The following SLC12A8 variants were observed in gnomAD, a reference collection of about 807,000 sequenced individuals.
SLC12A8 encodes the protein cation-chloride cotransporter 9.
Under a neutral mutation model 75.6 loss-of-function variants are expected in SLC12A8, and 69 were observed. That is an observed-to-expected ratio of 0.91 (90% CI 0.75 to 1.11). The LOEUF (loss-of-function observed/expected upper bound fraction) is 1.11. Among genes scored for constraint, SLC12A8 ranks in the 50% most tolerant of loss-of-function variants. The pLI is 0.00. For synonymous variants in SLC12A8, 365 were observed against 372.8 expected, an observed-to-expected ratio of 0.98 and a Z score of 0.24; for missense variants, 877 against 896.7, an observed-to-expected ratio of 0.98 and a Z score of 0.28.
chr3:125,108,906 T>C (rs571098676), intron 9 of SLC12A8, among the ~76,000 whole-genome samples: 67 of 152,212 alleles, frequency 4.4e-4, no homozygotes, highest in African/African-American at 1.5e-3. Context: ...ACACACACAT[T>C]ACACACACCT....
chr3:125,147,466 C>T (rs926997464), intron 5 of SLC12A8, among the ~76,000 whole-genome samples: 2 of 152,212 alleles, frequency 1.3e-5, no homozygotes, highest in African/African-American at 4.8e-5. Flanking sequence ...CCGTTGTGTG[C>T]CTTTTCTGCA....
At chr3:125,086,055 C>T (rs535138406) in intron 13 of SLC12A8, among the ~76,000 whole-genome samples, 1 of 152,098 alleles carries the variant, frequency 6.6e-6, no homozygotes, top group South Asian at 2.1e-4. Context: ...TAGGCACCTG[C>T]CACATGCCTG....
intron 5 of SLC12A8, among the ~76,000 whole-genome samples, chr3:125,145,147 C>T (rs916220689): frequency 2.7e-4 from 41 of 152,322 alleles, no homozygotes; most frequent in African/African-American, 3.4e-4. Flanking sequence ...GAGATGCCCA[C>T]GTCACAAAGT....
Position 125,096,443 on chromosome 3 carries a change from A to G in SLC12A8, c.1706-4245T>C, listed in dbSNP as rs116195232. ...CAAAAACCTTCTATGTCTATTCAGC[A>G]TGTTCCCCCAGCACTTGGGACAGTG... On this transcript the variant is annotated intron_variant, in intron 10 of 13. Coordinates refer to ENST00000469902, the MANE Select transcript of SLC12A8 (RefSeq NM_024628.6). Among the ~76,000 whole-genome samples, 1,036 of 152,178 alleles carry G rather than the reference A, an allele frequency of 6.8e-3. 6 individuals are homozygous for G. The highest frequency in any genetic ancestry group is 0.023 in the African/African-American group (959 of 41,540).
At chr3:125,193,235 T>C (rs1477144496) in intron 2 of SLC12A8, among the ~76,000 whole-genome samples, 1 of 152,026 alleles carries the variant, frequency 6.6e-6, no homozygotes, top group Admixed American at 6.6e-5. Context: ...CCGGGTGTGG[T>C]TGTGTGTGCC....
chr3:125,098,530 T>C, intron 10 of SLC12A8, among the ~76,000 whole-genome samples: 1 of 149,700 alleles, frequency 6.7e-6, no homozygotes, highest in East Asian at 2.0e-4. Flanking sequence ...GCCATGGCAG[T>C]ATGAAGAGGT....
intron 8 of SLC12A8, among the ~76,000 whole-genome samples, chr3:125,117,360 G>A (rs1354167198): frequency 6.6e-6 from 1 of 151,160 alleles, no homozygotes; most frequent in Non-Finnish European, 1.5e-5. Context: ...GCTGAGGTGG[G>A]AGGATCACTC....
At chr3:125,149,124 G>T (rs190847875) in intron 5 of SLC12A8, among the ~76,000 whole-genome samples, 1 of 152,182 alleles carries the variant, frequency 6.6e-6, no homozygotes, top group East Asian at 1.9e-4. Context: ...ATCCATACCC[G>T]GAACGCCCAG....
intron 12 of SLC12A8, among the ~76,000 whole-genome samples, chr3:125,088,987 T>C (rs931661885): frequency 6.6e-6 from 1 of 152,204 alleles, no homozygotes; most frequent in Non-Finnish European, 1.5e-5. Flanking sequence ...CCATTCCTCC[T>C]TTGGTGTAGG....
intron 2 of SLC12A8, among the ~76,000 whole-genome samples, chr3:125,195,288 CTGAG>C (rs1934986519): frequency 6.6e-6 from 1 of 152,224 alleles, no homozygotes; most frequent in African/African-American, 2.4e-5. Context: ...CCCAGGCATT[CTGAG>C]TAAGAGAGAG....
intron 5 of SLC12A8, among the ~76,000 whole-genome samples, chr3:125,147,160 C>G (rs559007678): frequency 6.6e-6 from 1 of 152,332 alleles, no homozygotes; most frequent in Admixed American, 6.5e-5. Flanking sequence ...CGCTGTTGTC[C>G]TAGTCCTAGG....
chr3:125,186,554 C>G (rs1257475612), intron 4 of SLC12A8, among the ~76,000 whole-genome samples: 1 of 152,162 alleles, frequency 6.6e-6, no homozygotes, highest in Non-Finnish European at 1.5e-5. Flanking sequence ...TTTTTCAATC[C>G]AAGAAATGCT....
At chr3:125,102,980 G>A (rs928583460) in intron 10 of SLC12A8, among the ~76,000 whole-genome samples, 1 of 152,076 alleles carries the variant, frequency 6.6e-6, no homozygotes, top group African/African-American at 2.4e-5. Context: ...GGTATAGGGG[G>A]CTGTGGGAGG....
chr3:125,188,073 G>T (rs1232187651), intron 3 of SLC12A8, among the ~76,000 whole-genome samples: 1 of 152,220 alleles, frequency 6.6e-6, no homozygotes, highest in Non-Finnish European at 1.5e-5. Flanking sequence ...CCCAATGTTG[G>T]AGGTGGGGCC....
chr3:125,197,042 T>G (rs1411480032), intron 2 of SLC12A8, among the ~76,000 whole-genome samples: 1 of 152,178 alleles, frequency 6.6e-6, no homozygotes, highest in Non-Finnish European at 1.5e-5. Flanking sequence ...CAGGGCTCCT[T>G]GCAGAAGTTG....
At chr3:125,143,103 G>A (rs532976390) in intron 5 of SLC12A8, among the ~76,000 whole-genome samples, 19 of 152,368 alleles carry the variant, frequency 1.2e-4, no homozygotes, top group Admixed American at 2.0e-4. Context: ...GGAAACTGAA[G>A]TGCAGAGCTG....
chr3:125,139,779 G>T (rs1291033695), intron 5 of SLC12A8, among the ~76,000 whole-genome samples: 1 of 152,194 alleles, frequency 6.6e-6, no homozygotes, highest in Non-Finnish European at 1.5e-5. Context: ...CATGCCCTCC[G>T]ACAGTGGCTC....
intron 5 of SLC12A8, among the ~76,000 whole-genome samples, chr3:125,146,439 A>G (rs1046871072): frequency 6.6e-6 from 1 of 152,238 alleles, no homozygotes; most frequent in African/African-American, 2.4e-5. Context: ...TGTGCTATGG[A>G]TATTTTACCA....
chr3:125,162,278 C>CG (rs542072911), intron 5 of SLC12A8, among the ~76,000 whole-genome samples: 105 of 152,342 alleles, frequency 6.9e-4, no homozygotes, highest in African/African-American at 2.4e-3. Flanking sequence ...CAGCAAGCCC[C>CG]GTGCTGGTGT....
Sources: gnomAD v4.1 joint callset for allele counts (sites outside exome capture counted in the v4.1 genomes callset) on GRCh38, gnomAD v4.1.1 for gene constraint, MANE v1.5 for transcripts, NCBI Gene and HGNC (gene_info 2026-07-23, HGNC 2026-07-21) for gene names.